BCL2: variants seen among roughly 807,000 people sequenced by gnomAD.
The protein encoded by BCL2 is apoptosis regulator Bcl-2.
Under a neutral mutation model 14.2 loss-of-function variants are expected in BCL2, and 1 was observed. The observed-to-expected ratio is 0.07, with a 90% CI of 0.02 to 0.33. The LOEUF is 0.33. Among genes scored for constraint, BCL2 ranks in the 10% least tolerant of loss-of-function variants. BCL2 has a pLI of 0.99. For synonymous variants in BCL2, 151 were observed against 137.2 expected (o/e 1.10, Z -0.70); for missense variants, 247 against 305.9 (o/e 0.81, Z 1.44).
At chr18:63,189,705 A>C (rs1599233689) in intron 2 of BCL2, among the ~76,000 whole-genome samples, 1 of 106,558 alleles carries the variant, frequency 9.4e-6, no homozygotes, top group African/African-American at 3.7e-5. Context: ...CCCACCCCCC[A>C]CCCACCGCAT....
At chr18:63,220,093 G>C (rs1207694090) in intron 2 of BCL2, among the ~76,000 whole-genome samples, 1 of 152,172 alleles carries the variant, frequency 6.6e-6, no homozygotes, top group Admixed American at 6.5e-5. Context: ...TGGAGCCATG[G>C]AAGTAGCTGA....
chr18:63,242,263 T>C lies in BCL2; in HGVS notation c.585+75819A>G, dbSNP rs147805966. ...GGTGCCATGAGGCAGTCAAAAGACC[T>C]GAGATCACATCTACCACATTCAACC... On this transcript the variant is annotated intron_variant, in intron 2 of 2. Transcript: ENST00000333681. Among the ~76,000 whole-genome samples, 498 of 152,368 alleles carry C rather than the reference T, an allele frequency of 3.3e-3. 3 individuals are homozygous for C. Among genetic ancestry groups the C allele is most frequent in the Non-Finnish European group, 5.7e-3 (385 of 68,042 alleles).
intron 2 of BCL2, among the ~76,000 whole-genome samples, chr18:63,276,168 A>T (rs1383577919): frequency 1.3e-5 from 2 of 152,054 alleles, no homozygotes; most frequent in Non-Finnish European, 2.9e-5. Flanking sequence ...TCAGCCTGGT[A>T]CCTCTGCAGC....
Position 63,319,625 on chromosome 18 carries a change from G to C in BCL2, c.-738C>G, listed in dbSNP as rs1374566092. 3 of 224,228 alleles carry C rather than the reference G, an allele frequency of 1.3e-5. No homozygotes were observed. The highest frequency in any genetic ancestry group is 2.7e-5 in the Non-Finnish European group (3 of 112,450). 13.9% of individuals were successfully genotyped at this position (224,228 alleles called of 1,614,324 possible). On this transcript the variant is annotated 5_prime_UTR_variant, in exon 1 of 3. Coordinates refer to ENST00000333681, the MANE Select transcript of BCL2 (RefSeq NM_000633.3). ...GAGAGGGGACGATGAAGGAGCCGGG[G>C]ACGGAGGCAGGAATCCTCTTCTGAT...
chr18:63,134,459 C>A (rs2144590748), intron 2 of BCL2, among the ~76,000 whole-genome samples: 1 of 152,296 alleles, frequency 6.6e-6, no homozygotes, highest in East Asian at 1.9e-4. Flanking sequence ...CCCAGAAGAA[C>A]TCTCATGAGC....
intron 2 of BCL2, among the ~76,000 whole-genome samples, chr18:63,193,056 C>A (rs138504087): frequency 6.6e-6 from 1 of 152,254 alleles, no homozygotes; most frequent in East Asian, 1.9e-4. Flanking sequence ...CAAAGTCAAC[C>A]GCTGAGTTCT....
intron 2 of BCL2, among the ~76,000 whole-genome samples, chr18:63,218,724 C>CCACTCAT: frequency 0.014 from 2 of 138 alleles, no homozygotes; most frequent in African/African-American, 0.026. Context: ...CTCCACTCCT[C>CCACTCAT]CCCATCCTCC....
At chr18:63,230,795 T>C (rs2144176321) in intron 2 of BCL2, among the ~76,000 whole-genome samples, 1 of 152,192 alleles carries the variant, frequency 6.6e-6, no homozygotes, top group South Asian at 2.1e-4. Flanking sequence ...GAATCCTGAA[T>C]GTATTTTTAT....
At chr18:63,160,265 C>T (rs1042171665) in intron 2 of BCL2, among the ~76,000 whole-genome samples, 1 of 152,208 alleles carries the variant, frequency 6.6e-6, no homozygotes, top group African/African-American at 2.4e-5. Context: ...CGTGAGCCTG[C>T]ACAGACAAGT....
chr18:63,239,146 C>T (rs550875160), intron 2 of BCL2, among the ~76,000 whole-genome samples: 2 of 152,272 alleles, frequency 1.3e-5, no homozygotes, highest in South Asian at 2.1e-4. Context: ...ATTATGCTTT[C>T]GGCTGGTAAA....
At chr18:63,269,115 G>A (rs1911926630) in intron 2 of BCL2, among the ~76,000 whole-genome samples, 1 of 151,626 alleles carries the variant, frequency 6.6e-6, no homozygotes, top group South Asian at 2.1e-4. Flanking sequence ...ACCATGATCG[G>A]TAATTTTTTA....
rs1568222444 is a variant in BCL2, at chr18:63,169,304, CTTT to C, written c.586-40548_586-40546del. ...TCTTTCTTTCTTTCTTTCTTTCTTTCTTTCTTCCTTCCTTCCTTCTTTCCTTTC... is the reference window on the plus strand; with the variant it reads ...TCTTTCTTTCTTTCTTTCTTTCTTTCCTTCCTTCCTTCCTTCTTTCCTTTC... On this transcript the variant is annotated intron_variant, in intron 2 of 2. Transcript: ENST00000333681. 3.8e-3 allele frequency among the ~76,000 whole-genome samples: 252 copies of C among 67,166 alleles called. 3 individuals carry two copies. The highest frequency in any genetic ancestry group is 8.1e-3 in the Admixed American group (53 of 6,542). 44.1% of individuals were successfully genotyped at this position (67,166 alleles called of 152,430 possible).
At chr18:63,277,268 A>G (rs1912180852) in intron 2 of BCL2, among the ~76,000 whole-genome samples, 1 of 152,200 alleles carries the variant, frequency 6.6e-6, no homozygotes, top group Non-Finnish European at 1.5e-5. Context: ...TAGTACTAGA[A>G]TTAAGCTCTA....
chr18:63,134,863 A>G (rs1914169287), intron 2 of BCL2, among the ~76,000 whole-genome samples: 1 of 152,172 alleles, frequency 6.6e-6, no homozygotes, highest in South Asian at 2.1e-4. Flanking sequence ...AATGACTTTG[A>G]TATTTTCTAT....
chr18:63,235,818 T>C (rs1274822069), intron 2 of BCL2, among the ~76,000 whole-genome samples: 3 of 151,754 alleles, frequency 2.0e-5, no homozygotes, highest in Non-Finnish European at 2.9e-5. Flanking sequence ...TGATGCTCAA[T>C]GCTCATTATC....
At chr18:63,285,984 G>T (rs1372795454) in intron 2 of BCL2, among the ~76,000 whole-genome samples, 1 of 152,216 alleles carries the variant, frequency 6.6e-6, no homozygotes, top group African/African-American at 2.4e-5. Context: ...ACAGCAGCCT[G>T]GGAGGTTTTC....
At chr18:63,282,119 C>G (rs1912336578) in intron 2 of BCL2, among the ~76,000 whole-genome samples, 1 of 152,168 alleles carries the variant, frequency 6.6e-6, no homozygotes. Context: ...CTAAAGTGAG[C>G]TTAATGCTGA....
At chr18:63,158,284 G>A (rs1295920631) in intron 2 of BCL2, among the ~76,000 whole-genome samples, 1 of 152,206 alleles carries the variant, frequency 6.6e-6, no homozygotes, top group Non-Finnish European at 1.5e-5. Context: ...GCGTATTAAT[G>A]AGTAATATTC....
rs1201731996 is a variant in BCL2 at position 63,123,979 on chromosome 18, T to A, written c.*4646A>T. 2 of 221,918 alleles carry A rather than the reference T, an allele frequency of 9.0e-6. No homozygotes were observed. The highest frequency in any genetic ancestry group is 1.4e-3 in the Middle Eastern group (1 of 720). The allele number at this position is 221,918 out of a possible 1,614,324, so 13.7% of individuals were successfully genotyped here. A position where few individuals can be genotyped will look rare whatever the true frequency, so the allele number is the denominator to read the frequency against. ...AGTGTTCCCATCTTCTGTGCTCAGCTTGGTATGCAGAACAACCTTGTTGTT... is the reference window on the plus strand; with the variant it reads ...AGTGTTCCCATCTTCTGTGCTCAGCATGGTATGCAGAACAACCTTGTTGTT... On this transcript the variant is annotated 3_prime_UTR_variant, in exon 3 of 3. Coordinates refer to ENST00000333681, the MANE Select transcript of BCL2 (RefSeq NM_000633.3).
Sources: allele counts gnomAD v4.1 joint callset (sites outside exome capture counted in the v4.1 genomes callset), GRCh38; gene constraint gnomAD v4.1.1; transcripts MANE v1.5; gene names NCBI Gene and HGNC (gene_info 2026-07-23, HGNC 2026-07-21).